The following AGBL4 variants were observed in gnomAD, a reference collection of about 807,000 sequenced individuals.
AGBL4 encodes the protein cytosolic carboxypeptidase 6.
AGBL4 carries 58 observed loss-of-function variants against 66.4 expected under a neutral mutation model. The observed-to-expected ratio is 0.87, with a 90% confidence interval of 0.71 to 1.09. AGBL4 has a LOEUF of 1.09. AGBL4 is among the 50% of genes least tolerant of loss of function. The pLI, the probability that AGBL4 is intolerant of heterozygous loss-of-function variation, is 0.00. For missense variants in AGBL4, 579 were observed against 631.0 expected, an observed-to-expected ratio of 0.92 and a Z score of 0.88; for synonymous variants, 234 against 222.9, an observed-to-expected ratio of 1.05 and a Z score of -0.44.
intron 3 of AGBL4, among the ~76,000 whole-genome samples, chr1:49,510,524 G>T (rs1296347489): frequency 2.0e-4 from 30 of 150,108 alleles, no homozygotes; most frequent in Middle Eastern, 6.8e-3. Context: ...TTTCTCCCAT[G>T]TTGTAGGTTG....
chr1:49,430,149 G>T (rs1012416601), intron 3 of AGBL4, among the ~76,000 whole-genome samples: 1 of 151,988 alleles, frequency 6.6e-6, no homozygotes, highest in Non-Finnish European at 1.5e-5. Context: ...CACCATGCCC[G>T]GCCACATATA....
intron 6 of AGBL4, among the ~76,000 whole-genome samples, chr1:48,798,783 C>A (rs761419614): frequency 3.3e-5 from 5 of 152,062 alleles, no homozygotes; most frequent in South Asian, 4.1e-4. Context: ...CTTTCCCCAC[C>A]CACTTTATGT....
intron 5 of AGBL4, among the ~76,000 whole-genome samples, chr1:48,915,695 G>A (rs1048523133): frequency 1.3e-5 from 2 of 152,050 alleles, no homozygotes; most frequent in Non-Finnish European, 2.9e-5. Context: ...AAAAATACTG[G>A]GAGTGGGGTC....
chr1:48,573,130 G>C (rs1345343902), intron 11 of AGBL4, among the ~76,000 whole-genome samples: 2 of 152,150 alleles, frequency 1.3e-5, no homozygotes, highest in African/African-American at 4.8e-5. Context: ...CTGTCCAATA[G>C]AGCAACATGC....
chr1:49,071,901 GAATT>G (rs1644611906), intron 4 of AGBL4, among the ~76,000 whole-genome samples: 1 of 150,068 alleles, frequency 6.7e-6, no homozygotes, highest in Non-Finnish European at 1.5e-5. Flanking sequence ...ATGTCTCTAA[GAATT>G]TGCTTTGTGA....
In AGBL4 at chr1:49,573,124, ATGTGTGTCTGTGTG is replaced by A. The variant is rs968407011; in HGVS notation, c.282+124175_282+124188del. ...ATATAATAAATTCTCATATATATAT[ATGTGTGTCTGTGTG>A]TGTGTGTCTGTGTGTGTGTGTGTGT... On this transcript the variant is annotated intron_variant, in intron 3 of 13. Coordinates refer to ENST00000371839, the MANE Select transcript of AGBL4 (RefSeq NM_032785.4). Among the ~76,000 whole-genome samples the A allele has an allele frequency of 2.8e-4, 41 of 146,444 alleles. No homozygotes were observed. The South Asian group carries it at 7.0e-3, about 25-fold the overall frequency.
chr1:49,428,688 T>C (rs775348648), intron 3 of AGBL4, among the ~76,000 whole-genome samples: 16 of 152,148 alleles, frequency 1.1e-4, no homozygotes, highest in Non-Finnish European at 1.8e-4. Context: ...TACCATCAGG[T>C]CAGTAGTAAA....
intron 4 of AGBL4, among the ~76,000 whole-genome samples, chr1:49,220,252 C>T (rs1570112116): frequency 6.6e-6 from 1 of 152,080 alleles, no homozygotes; most frequent in East Asian, 1.9e-4. Context: ...TTTTGCAGGT[C>T]ACTGCTTTTC....
chr1:49,499,786 G>A (rs868336772), intron 3 of AGBL4, among the ~76,000 whole-genome samples: 3 of 151,548 alleles, frequency 2.0e-5, no homozygotes, highest in Middle Eastern at 3.4e-3. Flanking sequence ...GTTTGTTGAT[G>A]GGCATTTAGG....
At chr1:49,004,042 C>T (rs972258070) in intron 5 of AGBL4, among the ~76,000 whole-genome samples, 1 of 152,198 alleles carries the variant, frequency 6.6e-6, no homozygotes, top group Non-Finnish European at 1.5e-5. Context: ...AAACTGGGTG[C>T]TAATTGGCCC....
At chr1:49,129,031 A>C (rs1013400388) in intron 4 of AGBL4, among the ~76,000 whole-genome samples, 1 of 152,082 alleles carries the variant, frequency 6.6e-6, no homozygotes, top group African/African-American at 2.4e-5. Context: ...ATAGAATCAG[A>C]AAATGGGCAA....
chr1:48,970,546 T>C (rs1050285999), intron 5 of AGBL4, among the ~76,000 whole-genome samples: 5 of 152,218 alleles, frequency 3.3e-5, no homozygotes, highest in Non-Finnish European at 7.3e-5. Context: ...TGTTGCATTA[T>C]TCTTTTATAG....
chr1:49,084,849 G>C (rs1644876029), intron 4 of AGBL4, among the ~76,000 whole-genome samples: 1 of 152,064 alleles, frequency 6.6e-6, no homozygotes, highest in African/African-American at 2.4e-5. Context: ...CACACGCCTT[G>C]GTCTGAGCTT....
intron 1 of AGBL4, among the ~76,000 whole-genome samples, chr1:50,010,573 T>G (rs187127244): frequency 6.6e-6 from 1 of 151,734 alleles, no homozygotes; most frequent in Non-Finnish European, 1.5e-5. Context: ...AATTATATGA[T>G]AGAGCTATAG....
chr1:48,880,155 T>C (rs1649640772), intron 5 of AGBL4, among the ~76,000 whole-genome samples: 1 of 152,172 alleles, frequency 6.6e-6, no homozygotes. Flanking sequence ...GTCCATTGTG[T>C]CATTGTTATC....
chr1:48,546,273 A>G (rs1255419989), intron 11 of AGBL4, among the ~76,000 whole-genome samples: 1 of 152,252 alleles, frequency 6.6e-6, no homozygotes, highest in East Asian at 1.9e-4. Context: ...CAAAGGTAGC[A>G]TACGAACTTC....
intron 3 of AGBL4, among the ~76,000 whole-genome samples, chr1:49,506,500 A>T (rs1648702256): frequency 6.6e-6 from 1 of 151,950 alleles, no homozygotes; most frequent in African/African-American, 2.4e-5. Context: ...AATCAGTCTC[A>T]TGAGATCTGT....
chr1:48,938,932 G>A (rs372024435), intron 5 of AGBL4, among the ~76,000 whole-genome samples: 1 of 152,292 alleles, frequency 6.6e-6, no homozygotes, highest in East Asian at 1.9e-4. Flanking sequence ...TGTCTTACCT[G>A]AATTATCACA....
chr1:48,746,425 A>G (rs1347141400), intron 6 of AGBL4, among the ~76,000 whole-genome samples: 2 of 152,166 alleles, frequency 1.3e-5, no homozygotes, highest in Admixed American at 1.3e-4. Context: ...CACTCTCCTC[A>G]AGGTTCACGA....
Sources: allele counts gnomAD v4.1 joint callset (sites outside exome capture counted in the v4.1 genomes callset), GRCh38; gene constraint gnomAD v4.1.1; transcripts MANE v1.5; gene names NCBI Gene and HGNC (gene_info 2026-07-23, HGNC 2026-07-21).